Variants in HNF1A observed in about 807,000 individuals in gnomAD.
The protein encoded by HNF1A is HNF1 homeobox A.
Under a neutral mutation model 62.2 loss-of-function variants are expected in HNF1A, and 21 were observed. The observed-to-expected ratio is 0.34, with a 90% CI of 0.24 to 0.49. HNF1A has a LOEUF of 0.49. Ranked by LOEUF, HNF1A falls within the 20% of genes least tolerant of loss-of-function variation. The probability of loss-of-function intolerance (pLI) is 0.99; values close to 1 mark genes in which losing one functional copy is unlikely to be tolerated. For synonymous variants in HNF1A, 374 were observed against 366.8 expected (o/e 1.02, Z -0.22); for missense variants, 687 against 832.3 (o/e 0.83, Z 2.15).
At chr12:120,989,148 G>A (rs1178677007) in intron 2 of HNF1A, 116 bp downstream of exon 2, 10 of 1,003,106 alleles carry the variant, frequency 1.0e-5, no homozygotes, top group Non-Finnish European at 1.4e-5. Flanking sequence ...AGATGGAAAG[G>A]AAGTCAGTGG....
At chr12:121,000,874 C>A in intron 9 of HNF1A, 191 bp from the exon 10 acceptor site, 1 of 701,908 alleles carries the variant, frequency 1.4e-6, no homozygotes, top group Non-Finnish European at 2.4e-6. Flanking sequence ...ACTCCATGGG[C>A]GGCCGTGGAC....
At chr12:120,980,243 C>G (rs1190774264) in intron 1 of HNF1A, among the ~76,000 whole-genome samples, 2 of 152,176 alleles carry the variant, frequency 1.3e-5, no homozygotes, top group Non-Finnish European at 2.9e-5. Context: ...GTTCGGTGCT[C>G]TCAATTGCTA....
chr12:120,985,864 A>G (rs1363178945), intron 1 of HNF1A, among the ~76,000 whole-genome samples: 7 of 151,740 alleles, frequency 4.6e-5, no homozygotes, highest in African/African-American at 1.5e-4. Flanking sequence ...GCACACCTGT[A>G]ATCCCAGCTA....
intron 2 of HNF1A, among the ~76,000 whole-genome samples, 180 bp downstream of exon 2, chr12:120,989,212 G>C (rs1876687427): frequency 6.6e-6 from 1 of 152,328 alleles, no homozygotes; most frequent in African/African-American, 2.4e-5. Context: ...TGGGACGGGA[G>C]TAGACTTGGT....
chr12:120,990,303 A>C (rs865779540), intron 2 of HNF1A, among the ~76,000 whole-genome samples: 1 of 151,848 alleles, frequency 6.6e-6, no homozygotes, highest in Non-Finnish European at 1.5e-5. Flanking sequence ...CACCACGCCC[A>C]GCTAATTTTT....
At chr12:120,985,404 T>C (rs990022915) in intron 1 of HNF1A, among the ~76,000 whole-genome samples, 1 of 149,604 alleles carries the variant, frequency 6.7e-6, no homozygotes, top group African/African-American at 2.5e-5. Context: ...TTAAATATTA[T>C]ATATGCCAAG....
At position 120,996,578 on chromosome 12, in the gene HNF1A, C is replaced by T. The variant is rs775755015; in HGVS notation, c.1145C>T (p.Thr382Ile). ...AAGGPLPPVSTLTALHSLEQT... is the reference protein window; with the variant it reads ...AAGGPLPPVSILTALHSLEQT... ...GGGGGCCCCCTCCCCCCTGTCAGCA[C>T]CCTGACAGCACTGCACAGCTTGGAG... The change falls in exon 6 of 10, where the codon ACC becomes ATC. Residue 382 changes from threonine (T) to isoleucine (I), a missense_variant. This residue lies in a region of HNF1A where 408 missense variants were observed against 455.3 expected (regional missense o/e 0.90). Coordinates refer to ENST00000257555, the MANE Select transcript of HNF1A (RefSeq NM_000545.8). This position sits in a 1 kb window ranked among gnomAD's most constrained non-coding sequence, Gnocchi z 4.5. 2 of 1,613,964 alleles carry T rather than the reference C, an allele frequency of 1.2e-6. No homozygotes were observed.
At chr12:120,987,924 G>A (rs976868959) in intron 1 of HNF1A, among the ~76,000 whole-genome samples, 2 of 152,086 alleles carry the variant, frequency 1.3e-5, no homozygotes, top group African/African-American at 4.8e-5. Flanking sequence ...TAAAATTGGA[G>A]AATCCATATT....
chr12:120,989,640 A>G (rs181623402), intron 2 of HNF1A, among the ~76,000 whole-genome samples: 19 of 152,358 alleles, frequency 1.2e-4, no homozygotes, highest in African/African-American at 4.6e-4. Flanking sequence ...GTCATGTATT[A>G]GAATGGGACA....
At chr12:120,988,763 C>G (rs1464077941) in intron 1 of HNF1A, 70 bp from the exon 2 acceptor site, 2 of 1,455,446 alleles carry the variant, frequency 1.4e-6, no homozygotes, top group African/African-American at 1.4e-5. Context: ...TTCCAGCACC[C>G]AGGACCGCAG....
rs1344788314 is a variant in HNF1A, at chr12:120,994,282, C to T, written c.832C>T (p.Arg278Trp). 5.6e-6 allele frequency: 9 copies of T among 1,613,082 alleles called. No homozygotes were observed. Among genetic ancestry groups the T allele is most frequent in the East Asian group, 4.5e-5 (2 of 44,890 alleles). ...CAACCGGCGCAAAGAAGAAGCCTTC[C>T]GGCACAAGCTGGCCATGGACACGTA... ...FANRRKEEAF[R>W]HKLAMDTYSG... Residue 278 changes from arginine to tryptophan, a missense_variant, in exon 4 of 10, where the codon CGG becomes TGG. Physicochemically the swap from Arg to Trp is moderately radical, Grantham distance 101. Around this residue, in one of 5 missense-constraint regions of HNF1A, gnomAD observed 47 missense variants for 109.4 expected, o/e 0.43. Coordinates refer to ENST00000257555, the MANE Select transcript of HNF1A (RefSeq NM_000545.8).
At chr12:120,997,163 T>G (rs1877152255) in intron 6 of HNF1A, 1 of 1,410,794 alleles carries the variant, frequency 7.1e-7, no homozygotes, top group Admixed American at 3.0e-5. Context: ...AGCAGAGAAC[T>G]GACCCCATGG....
chr12:120,995,425 T>G (rs901515622), intron 4 of HNF1A, among the ~76,000 whole-genome samples: 1 of 151,640 alleles, frequency 6.6e-6, no homozygotes, highest in Admixed American at 6.6e-5. Flanking sequence ...TCTCCACTCC[T>G]CTCCACTACA....
intron 2 of HNF1A, among the ~76,000 whole-genome samples, chr12:120,990,190 G>C (rs1480428564): frequency 6.6e-6 from 1 of 152,034 alleles, no homozygotes; most frequent in Non-Finnish European, 1.5e-5. Flanking sequence ...TGCCCAGGCT[G>C]GAGTGCAGTG....
rs550251384 is a variant in HNF1A, at chr12:120,998,936, G to A, written c.1502-332G>A. ...GTACAGTAGCACCTGCGCTTAGTAC[G>A]TAGCACCCGTGCTTAGTACAGTAGC... On this transcript the variant is annotated intron_variant, in intron 7 of 9. Coordinates refer to ENST00000257555, the MANE Select transcript of HNF1A (RefSeq NM_000545.8). Among the ~76,000 whole-genome samples, 10 of 152,278 alleles carry A rather than the reference G, an allele frequency of 6.6e-5. No individual in the cohort carries two copies. The East Asian group carries it at 1.7e-3, about 26-fold the overall frequency.
intron 1 of HNF1A, among the ~76,000 whole-genome samples, chr12:120,988,563 C>T (rs2135832015): frequency 6.6e-6 from 1 of 152,350 alleles, no homozygotes; most frequent in Non-Finnish European, 1.5e-5. Flanking sequence ...GTTCCAGTGT[C>T]TGTATCCATA....
chr12:120,999,364 T>G lies in HNF1A; in HGVS notation c.1598T>G (p.Leu533Arg). ...LITDTTNLSA[L>R]ASLTPTKQVF... ...ACCGACACCACCAACCTGAGCGCCCTGGCCAGCCTCACGCCCACCAAGCAG... is the reference window on the plus strand; with the variant it reads ...ACCGACACCACCAACCTGAGCGCCCGGGCCAGCCTCACGCCCACCAAGCAG... Residue 533 changes from leucine to arginine, a missense_variant, in exon 8 of 10, where the codon CTG (leucine) becomes CGG (arginine). Around this residue, in one of 5 missense-constraint regions of HNF1A, gnomAD observed 408 missense variants for 455.3 expected, o/e 0.90. Transcript: ENST00000257555. 1 of 1,613,906 alleles carries G rather than the reference T, an allele frequency of 6.2e-7. No homozygotes were observed. The highest frequency in any genetic ancestry group is 1.1e-5 in the South Asian group (1 of 91,050).
At chr12:120,985,038 C>T (rs1593050954) in intron 1 of HNF1A, among the ~76,000 whole-genome samples, 1 of 150,914 alleles carries the variant, frequency 6.6e-6, no homozygotes, top group Non-Finnish European at 1.5e-5. Context: ...CCCGACCTCT[C>T]GGGCTCAAGA....
Position 120,978,700 on chromosome 12 carries a change from C to T in HNF1A, c.-69C>T, listed in dbSNP as rs1208674487. 6.8e-7 allele frequency: 1 copy of T among 1,480,674 alleles called. No individual in the cohort carries two copies. Among genetic ancestry groups the T allele is most frequent in the Non-Finnish European group, 9.4e-7 (1 of 1,063,150 alleles). 91.7% of individuals were successfully genotyped at this position (1,480,674 alleles called of 1,614,324 possible). On this transcript the variant is annotated 5_prime_UTR_variant, in exon 1 of 10. Transcript: ENST00000257555. ...GTGTCTGCCGGCCGGCAGGCAAACG[C>T]AACCCACGCGGTGGGGGAGGCGGCT...
Sources: allele counts gnomAD v4.1 joint callset (sites outside exome capture counted in the v4.1 genomes callset), GRCh38; gene constraint gnomAD v4.1.1; regional missense constraint gnomAD v4.1.1; non-coding constraint Gnocchi (gnomAD v3.1); transcripts MANE v1.5; gene names NCBI Gene and HGNC (gene_info 2026-07-23, HGNC 2026-07-21).